Variants in WWOX observed in about 807,000 individuals in gnomAD.
WWOX encodes WW domain-containing oxidoreductase.
Under a neutral mutation model 46.2 loss-of-function variants are expected in WWOX, and 69 were observed. The observed-to-expected ratio is 1.49, with a 90% CI of 1.23 to 1.82. The LOEUF is 1.82. Ranked by LOEUF, WWOX falls within the 40% of genes most tolerant of loss-of-function variation. The pLI is 0.00. For missense variants in WWOX, 919 were observed against 542.6 expected, an observed-to-expected ratio of 1.69 and a Z score of -6.89; for synonymous variants, 359 against 202.6, an observed-to-expected ratio of 1.77 and a Z score of -6.56.
intron 8 of WWOX, among the ~76,000 whole-genome samples, chr16:78,741,517 C>T (rs1234487166): frequency 6.6e-6 from 1 of 151,332 alleles, no homozygotes; most frequent in Non-Finnish European, 1.5e-5. Context: ...CCAAGATCAC[C>T]ACTGCACCCC....
rs573464529 is a variant in WWOX, at chr16:78,948,459, C to T, written c.1057-263149C>T. Among the ~76,000 whole-genome samples the T allele has an allele frequency of 8.5e-5, 13 of 152,268 alleles. 1 individual carries two copies. In the South Asian group the frequency reaches 2.5e-3, roughly 29 times the overall value. ...TCTTGTGAGTGAGCCAGAGGTCTGT[C>T]TCTTGCGGCATTTCTGCTTTTGAGA... On this transcript the variant is annotated intron_variant, in intron 8 of 8. Transcript: ENST00000566780.
rs2080985279 is a variant in WWOX, at chr16:78,340,168, T to A, written c.517-46692T>A. Among the ~76,000 whole-genome samples, 5 of 115,824 alleles carry A rather than the reference T, an allele frequency of 4.3e-5. 1 individual carries two copies. Among genetic ancestry groups the A allele is most frequent in the Admixed American group, 4.3e-4 (5 of 11,710 alleles). 76.0% of individuals were successfully genotyped at this position (115,824 alleles called of 152,430 possible). ...AGTTTCTATCTTCTCAAAATTGTTT[T>A]CATTTCTTTTGGTAATTGTGTTTGA... On this transcript the variant is annotated intron_variant, in intron 5 of 8. Transcript: ENST00000566780.
At chr16:79,086,844 C>G (rs530155282) in intron 8 of WWOX, among the ~76,000 whole-genome samples, 93 of 152,320 alleles carry the variant, frequency 6.1e-4, no homozygotes, top group Non-Finnish European at 1.2e-3. Flanking sequence ...GATTGTGCCA[C>G]TGCGCTCCAG....
At chr16:79,045,987 A>C (rs1169985865) in intron 8 of WWOX, among the ~76,000 whole-genome samples, 1 of 151,290 alleles carries the variant, frequency 6.6e-6, no homozygotes, top group Non-Finnish European at 1.5e-5. Flanking sequence ...TTTTTAGTAG[A>C]GACGGGCTTT....
intron 8 of WWOX, among the ~76,000 whole-genome samples, chr16:79,035,309 C>G (rs776519848): frequency 2.0e-5 from 3 of 152,156 alleles, no homozygotes; most frequent in Non-Finnish European, 4.4e-5. Context: ...CCTTTGATTT[C>G]CAATGGGAGG....
In WWOX at chr16:78,860,894, T is replaced by C. The variant is rs2043869440; in HGVS notation, c.1057-350714T>C. ...CTCTGTCACCCAGGCTAGAGTGCAG[T>C]GGCCTCAACCTCCCAGGCCCAGGTG... is the stretch of plus-strand genomic sequence containing the variant. On this transcript the variant is annotated intron_variant, in intron 8 of 8. Transcript: ENST00000566780. Among the ~76,000 whole-genome samples the C allele has an allele frequency of 2.0e-5, 3 of 152,176 alleles. No homozygotes were observed. In the South Asian group the frequency reaches 6.2e-4, roughly 32 times the overall value.
At chr16:79,018,925 C>T (rs930052408) in intron 8 of WWOX, among the ~76,000 whole-genome samples, 4 of 151,666 alleles carry the variant, frequency 2.6e-5, no homozygotes, top group South Asian at 2.1e-4. Flanking sequence ...ATAAGGTGGG[C>T]GGATCGCTTG....
chr16:78,129,685 A>G (rs2033511755), intron 4 of WWOX, among the ~76,000 whole-genome samples: 1 of 152,040 alleles, frequency 6.6e-6, no homozygotes, highest in Non-Finnish European at 1.5e-5. Context: ...CCACACAAAA[A>G]TGGTCTATAG....
At chr16:78,679,162 G>T (rs554609884) in intron 8 of WWOX, among the ~76,000 whole-genome samples, 36 of 152,296 alleles carry the variant, frequency 2.4e-4, no homozygotes, top group East Asian at 5.8e-4. Context: ...GTGTCCCCCA[G>T]TGACCTGCTT....
intron 8 of WWOX, among the ~76,000 whole-genome samples, chr16:78,666,211 C>T (rs75323145): frequency 3.3e-5 from 5 of 151,974 alleles, no homozygotes; most frequent in Admixed American, 6.6e-5. Flanking sequence ...TGTTGGAGCC[C>T]GGGAGGTCAA....
At chr16:78,440,306 T>C (rs1396310177) in intron 8 of WWOX, among the ~76,000 whole-genome samples, 1 of 152,224 alleles carries the variant, frequency 6.6e-6, no homozygotes, top group African/African-American at 2.4e-5. Context: ...AAGCCACTTC[T>C]GGCTCCATGC....
chr16:79,063,905 C>A (rs1432735223), intron 8 of WWOX, among the ~76,000 whole-genome samples: 1 of 152,106 alleles, frequency 6.6e-6, no homozygotes, highest in Non-Finnish European at 1.5e-5. Context: ...GATAATGAGA[C>A]TAGTATGGAG....
chr16:78,605,173 G>C (rs531235330), intron 8 of WWOX, among the ~76,000 whole-genome samples: 1 of 151,086 alleles, frequency 6.6e-6, no homozygotes, highest in South Asian at 2.1e-4. Flanking sequence ...AGGAATGCCT[G>C]ATGTATCTGT....
chr16:78,534,157 C>T (rs1356932364), intron 8 of WWOX, among the ~76,000 whole-genome samples: 2 of 152,176 alleles, frequency 1.3e-5, no homozygotes, highest in African/African-American at 4.8e-5. Context: ...AAAGTGTGGA[C>T]ATCCTCGATG....
intron 8 of WWOX, among the ~76,000 whole-genome samples, chr16:78,759,871 G>A (rs1018982515): frequency 6.6e-6 from 1 of 152,116 alleles, no homozygotes; most frequent in African/African-American, 2.4e-5. Context: ...TCATCTTCCA[G>A]TCTCTAGAGG....
At chr16:78,181,706 T>A (rs1003101155) in intron 5 of WWOX, among the ~76,000 whole-genome samples, 1 of 152,224 alleles carries the variant, frequency 6.6e-6, no homozygotes, top group Non-Finnish European at 1.5e-5. Flanking sequence ...ATTTGTTTTT[T>A]TCTGAGGAAC....
chr16:78,403,833 C>T (rs1364559404), intron 6 of WWOX, among the ~76,000 whole-genome samples: 4 of 152,312 alleles, frequency 2.6e-5, no homozygotes, highest in Non-Finnish European at 5.9e-5. Context: ...TTCCTGGATA[C>T]TTTTGACTTC....
chr16:78,943,696 C>T (rs1035869571), intron 8 of WWOX, among the ~76,000 whole-genome samples: 4 of 152,098 alleles, frequency 2.6e-5, no homozygotes, highest in African/African-American at 9.7e-5. Context: ...GCAGGGTGTG[C>T]GATTGCAGGG....
chr16:78,817,326 T>C (rs1208877055), intron 8 of WWOX, among the ~76,000 whole-genome samples: 9 of 152,114 alleles, frequency 5.9e-5, no homozygotes, highest in Admixed American at 5.9e-4. Context: ...ATGCATCTTA[T>C]TACATTAATT....
Sources: gnomAD v4.1 joint callset for allele counts (sites outside exome capture counted in the v4.1 genomes callset) on GRCh38, gnomAD v4.1.1 for gene constraint, MANE v1.5 for transcripts, NCBI Gene and HGNC (gene_info 2026-07-23, HGNC 2026-07-21) for gene names.